LDAH: variants seen among roughly 807,000 people sequenced by gnomAD.
LDAH encodes the protein lipid droplet-associated hydrolase.
A neutral mutation model predicts 29.6 loss-of-function variants in LDAH; 26 were observed. The ratio of observed to expected loss-of-function variants is 0.88; its 90% CI spans 0.64 to 1.22. The LOEUF (loss-of-function observed/expected upper bound fraction) is 1.22. Ranked by LOEUF, LDAH falls within the 50% of genes most tolerant of loss-of-function variation. The pLI is 0.00. For synonymous variants in LDAH, 117 were observed against 133.0 expected (o/e 0.88, Z 0.83); for missense variants, 344 against 387.3 (o/e 0.89, Z 0.94).
Position 20,740,178 on chromosome 2 carries a change from T to C in LDAH, c.496A>G (p.Thr166Ala). Residue 166 changes from threonine (T) to alanine (A), a missense_variant, in exon 5 of 7, where the codon ACA becomes GCA. Thr to Ala is a moderately conservative substitution (Grantham distance 58). Transcript: ENST00000237822. Reference sequence around the variant, plus strand: ...GGTGACTCAGACATTCGTTCAATTGTTGGAAAGAGCAGAAAGGCACGAATT... The same window carrying C: ...GGTGACTCAGACATTCGTTCAATTGCTGGAAAGAGCAGAAAGGCACGAATT... Reference protein sequence around the residue: ...PVIRAFLLFPTIERMSESPNG... With the variant: ...PVIRAFLLFPAIERMSESPNG... 6.2e-7 allele frequency: 1 copy of C among 1,614,020 alleles called. No homozygotes were observed. Among genetic ancestry groups the C allele is most frequent in the Non-Finnish European group, 8.5e-7 (1 of 1,179,946 alleles).
At chr2:20,731,507 T>A (rs1031523451) in intron 5 of LDAH, among the ~76,000 whole-genome samples, 5 of 152,186 alleles carry the variant, frequency 3.3e-5, no homozygotes, top group Admixed American at 3.3e-4. Context: ...TCTTTATAAA[T>A]TACCCAGTGT....
chr2:20,749,167 G>T (rs1003322737), intron 4 of LDAH, among the ~76,000 whole-genome samples: 3 of 152,090 alleles, frequency 2.0e-5, no homozygotes, highest in African/African-American at 7.2e-5. Flanking sequence ...TAGTGGGAGA[G>T]ATATTTAGAG....
At position 20,774,815 on chromosome 2, in the gene LDAH, G is replaced by A. The variant is rs756412008; in HGVS notation, c.463C>T (p.Leu155Phe). 1.6e-5 allele frequency: 25 copies of A among 1,612,754 alleles called. No individual in the cohort carries two copies. The highest frequency in any genetic ancestry group is 1.9e-5 in the Non-Finnish European group (23 of 1,179,908). ...TLQMLKRVPE[L>F]PVIRAFLLFP... is the part of the protein sequence containing the mutation. ...ACCTCTGGAGACCTACTTACCGGGAGCTCAGGGACTCGCTTCAGCATCTGA... is the reference window on the plus strand; with the variant it reads ...ACCTCTGGAGACCTACTTACCGGGAACTCAGGGACTCGCTTCAGCATCTGA... The change falls in exon 4 of 7, where the codon CTC (leucine) becomes TTC (phenylalanine). Residue 155 changes from leucine to phenylalanine, a missense_variant. Leu to Phe is a conservative substitution (Grantham distance 22). Transcript: ENST00000237822.
At chr2:20,695,358 T>G (rs184785176) in intron 6 of LDAH, among the ~76,000 whole-genome samples, 1 of 152,344 alleles carries the variant, frequency 6.6e-6, no homozygotes, top group Non-Finnish European at 1.5e-5. Flanking sequence ...GCAAATAGTC[T>G]TTTTAAAGTG....
At chr2:20,695,458 T>C (rs972623516) in intron 6 of LDAH, among the ~76,000 whole-genome samples, 5 of 151,484 alleles carry the variant, frequency 3.3e-5, no homozygotes, top group Non-Finnish European at 7.4e-5. Flanking sequence ...CTCTTTCTTT[T>C]TTTTTTTTTT....
At chr2:20,725,050 A>G (rs964697859) in intron 5 of LDAH, among the ~76,000 whole-genome samples, 1 of 152,342 alleles carries the variant, frequency 6.6e-6, no homozygotes, top group East Asian at 1.9e-4. Flanking sequence ...CTCTTGGTCT[A>G]TGGTGACTGA....
At chr2:20,745,623 GTACCAATCTATA>G (rs1256200724) in intron 4 of LDAH, among the ~76,000 whole-genome samples, 2 of 151,718 alleles carry the variant, frequency 1.3e-5, no homozygotes, top group Non-Finnish European at 2.9e-5. Context: ...ACATCATATT[GTACCAATCTATA>G]TACTTTCTAT....
chr2:20,710,052 T>TA (rs2149371092), intron 5 of LDAH, among the ~76,000 whole-genome samples: 1 of 152,162 alleles, frequency 6.6e-6, no homozygotes, highest in South Asian at 2.1e-4. Context: ...AGGCAGGAAA[T>TA]AAAGTTCACA....
At chr2:20,774,788 T>C in intron 4 of LDAH, 22 bp downstream of exon 4, 1 of 1,611,472 alleles carries the variant, frequency 6.2e-7, no homozygotes, top group South Asian at 1.1e-5. Context: ...GCACCCACAG[T>C]TACCTCTGGA....
chr2:20,812,590 T>C (rs763348153), intron 1 of LDAH, among the ~76,000 whole-genome samples: 1 of 152,138 alleles, frequency 6.6e-6, no homozygotes, highest in African/African-American at 2.4e-5. Context: ...GTCACCCTAA[T>C]TCAAAAGCTT....
intron 6 of LDAH, 73 bp from the exon 7 acceptor site, chr2:20,687,167 G>T: frequency 7.7e-7 from 1 of 1,302,160 alleles, no homozygotes; most frequent in East Asian, 2.4e-5. Context: ...ACCAGCAGCC[G>T]GCAGTGCTCT....
Position 20,740,204 on chromosome 2 carries a change from A to G in LDAH, c.470T>C (p.Val157Ala). The change falls in exon 5 of 7, where the codon GTA becomes GCA. Residue 157 changes from valine to alanine, a missense_variant and splice_region_variant. Physicochemically the swap from Val to Ala is moderately conservative, Grantham distance 64. Coordinates refer to ENST00000237822, the MANE Select transcript of LDAH (RefSeq NM_021925.4). ...QMLKRVPELP[V>A]IRAFLLFPTI... is the part of the protein sequence containing the mutation. ...TGGAAAGAGCAGAAAGGCACGAATT[A>G]CCTGCAATAAAGAAGCATACTTTGA... 6.2e-7 allele frequency: 1 copy of G among 1,605,686 alleles called. No homozygotes were observed. Among genetic ancestry groups the G allele is most frequent in the East Asian group, 2.2e-5 (1 of 44,820 alleles).
Position 20,768,233 on chromosome 2 carries a change from C to T in LDAH, c.468+6577G>A, listed in dbSNP as rs371060924. Among the ~76,000 whole-genome samples, 16 of 152,292 alleles carry T rather than the reference C, an allele frequency of 1.1e-4. No homozygotes were observed. In the East Asian group the frequency reaches 1.5e-3, roughly 15 times the overall value. On this transcript the variant is annotated intron_variant, in intron 4 of 6. Transcript: ENST00000237822. ...AACATGCCCCCTGCTCGCCATGTTG[C>T]GAGTGAAGAGAAGGAGAGAAAATCT...
chr2:20,806,134 G>A (rs1341594680), intron 1 of LDAH, among the ~76,000 whole-genome samples: 2 of 152,066 alleles, frequency 1.3e-5, no homozygotes, highest in Non-Finnish European at 2.9e-5. Context: ...TCAATTAAAT[G>A]TCCAGACAGT....
intron 3 of LDAH, among the ~76,000 whole-genome samples, chr2:20,784,326 A>T (rs1250051327): frequency 6.6e-6 from 1 of 152,056 alleles, no homozygotes; most frequent in Non-Finnish European, 1.5e-5. Flanking sequence ...ATGATCACTT[A>T]AGCCTGGGAG....
chr2:20,708,010 A>G (rs1420663521), intron 5 of LDAH, among the ~76,000 whole-genome samples: 1 of 152,190 alleles, frequency 6.6e-6, no homozygotes, highest in African/African-American at 2.4e-5. Context: ...ATCATCTGTC[A>G]CTGTCCCCCA....
chr2:20,787,766 GA>G (rs200730531), intron 3 of LDAH, among the ~76,000 whole-genome samples: 1 of 151,628 alleles, frequency 6.6e-6, no homozygotes, highest in Non-Finnish European at 1.5e-5. Context: ...AATAAATGTT[GA>G]AAAAAAATAC....
At chr2:20,812,074 AAAG>A (rs1672540222) in intron 1 of LDAH, among the ~76,000 whole-genome samples, 1 of 152,132 alleles carries the variant, frequency 6.6e-6, no homozygotes, top group Non-Finnish European at 1.5e-5. Flanking sequence ...GGGAAATGTA[AAAG>A]AAGGGAATTT....
At chr2:20,701,112 G>A (rs1222223448) in intron 6 of LDAH, among the ~76,000 whole-genome samples, 1 of 152,098 alleles carries the variant, frequency 6.6e-6, no homozygotes, top group Non-Finnish European at 1.5e-5. Flanking sequence ...ACTCCCAAAT[G>A]TTGAATATTT....
Sources: allele counts gnomAD v4.1 joint callset (sites outside exome capture counted in the v4.1 genomes callset), GRCh38; gene constraint gnomAD v4.1.1; transcripts MANE v1.5; gene names NCBI Gene and HGNC (gene_info 2026-07-23, HGNC 2026-07-21).